GRID2: variants seen among roughly 807,000 people sequenced by gnomAD.
The protein encoded by GRID2 is glutamate ionotropic receptor delta type subunit 2.
A neutral mutation model predicts 114.8 loss-of-function variants in GRID2; 33 were observed. The ratio of observed to expected loss-of-function variants is 0.29; its 90% CI spans 0.22 to 0.38. The LOEUF (loss-of-function observed/expected upper bound fraction) is 0.38, where lower values mean the gene tolerates loss of function less well. Ranked by LOEUF, GRID2 falls within the 10% of genes least tolerant of loss-of-function variation. GRID2 has a pLI of 1.00. For synonymous variants in GRID2, 505 were observed against 449.9 expected, an observed-to-expected ratio of 1.12 and a Z score of -1.55; for missense variants, 1,184 against 1,257.7, an observed-to-expected ratio of 0.94 and a Z score of 0.89.
In GRID2 at chr4:93,680,204, T is replaced by C. The variant is rs1462971232; in HGVS notation, c.2360+53769T>C. On this transcript the variant is annotated intron_variant, in intron 14 of 15. Coordinates refer to ENST00000282020, the MANE Select transcript of GRID2 (RefSeq NM_001510.4). Reference sequence around the variant, plus strand: ...AGAAATGGATAAATTCCTTGACACATACACTCTCCCAAGACTAAACCAGGA... The same window carrying C: ...AGAAATGGATAAATTCCTTGACACACACACTCTCCCAAGACTAAACCAGGA... Among the ~76,000 whole-genome samples, 6 of 152,054 alleles carry C rather than the reference T, an allele frequency of 3.9e-5. No homozygotes were observed. The South Asian group carries it at 8.3e-4, about 21-fold the overall frequency.
intron 1 of GRID2, among the ~76,000 whole-genome samples, chr4:92,474,517 C>G (rs1722198235): frequency 6.6e-6 from 1 of 152,010 alleles, no homozygotes; most frequent in Non-Finnish European, 1.5e-5. Flanking sequence ...GATTTCATTT[C>G]CTTTGTATTT....
At chr4:93,123,848 G>C (rs992701225) in intron 4 of GRID2, among the ~76,000 whole-genome samples, 1 of 151,650 alleles carries the variant, frequency 6.6e-6, no homozygotes, top group African/African-American at 2.4e-5. Context: ...AGTCTAGAAT[G>C]TAAATGAATC....
Position 92,638,470 on chromosome 4 carries a change from T to C in GRID2, c.244+48184T>C, listed in dbSNP as rs1240064249. ...ATAATATATAAAATACATATATGTA[T>C]AATATATAATATATAAAATAAAATT... On this transcript the variant is annotated intron_variant, in intron 2 of 15. Coordinates refer to ENST00000282020, the MANE Select transcript of GRID2 (RefSeq NM_001510.4). Among the ~76,000 whole-genome samples the C allele has an allele frequency of 2.7e-5, 4 of 147,520 alleles. No individual in the cohort carries two copies. In the East Asian group the frequency reaches 7.8e-4, roughly 29 times the overall value.
intron 8 of GRID2, among the ~76,000 whole-genome samples, chr4:93,258,406 A>C (rs1749862626): frequency 6.6e-6 from 1 of 151,728 alleles, no homozygotes; most frequent in South Asian, 2.1e-4. Context: ...AAGCTAATGA[A>C]AATTACTGAA....
chr4:92,962,368 C>T (rs545745957), intron 2 of GRID2, among the ~76,000 whole-genome samples: 1 of 151,780 alleles, frequency 6.6e-6, no homozygotes. Context: ...TTTAGTGAGC[C>T]TGTGCCTCTG....
At chr4:92,549,950 G>C (rs1264613379) in intron 1 of GRID2, among the ~76,000 whole-genome samples, 4 of 151,954 alleles carry the variant, frequency 2.6e-5, no homozygotes, top group African/African-American at 9.7e-5. Flanking sequence ...AACTCAAAGA[G>C]ACAACCCACA....
chr4:93,508,167 T>TAA (rs1728826976), intron 12 of GRID2, among the ~76,000 whole-genome samples: 1 of 150,522 alleles, frequency 6.6e-6, no homozygotes, highest in Non-Finnish European at 1.5e-5. Context: ...TATAATAAAA[T>TAA]AAAAAAGTTT....
chr4:92,998,853 A>C (rs1578713135), intron 2 of GRID2, among the ~76,000 whole-genome samples: 1 of 151,912 alleles, frequency 6.6e-6, no homozygotes. Flanking sequence ...TAATATTCAC[A>C]TTAATTGCAA....
At chr4:93,181,493 G>A (rs1207865806) in intron 4 of GRID2, among the ~76,000 whole-genome samples, 5 of 152,118 alleles carry the variant, frequency 3.3e-5, no homozygotes, top group African/African-American at 9.7e-5. Context: ...GCCGTCCTTC[G>A]AAACTTTGAA....
chr4:93,059,798 T>A (rs1727604646), intron 2 of GRID2, among the ~76,000 whole-genome samples: 1 of 151,560 alleles, frequency 6.6e-6, no homozygotes, highest in Admixed American at 6.6e-5. Context: ...ATTTTCCAAA[T>A]ACAGTGATCT....
intron 2 of GRID2, among the ~76,000 whole-genome samples, chr4:92,599,439 A>G (rs183604451): frequency 5.3e-5 from 8 of 152,308 alleles, no homozygotes; most frequent in Admixed American, 3.3e-4. Context: ...TTTATATCTG[A>G]CATGATTGTT....
chr4:92,939,731 T>C lies in GRID2; in HGVS notation c.245-145264T>C, dbSNP rs1318491976. ...ATTTAAGTCTTTAATCCATCATGAA[T>C]TAATTTTGGTATAAGGTGTAAGGAA... On this transcript the variant is annotated intron_variant, in intron 2 of 15. Transcript: ENST00000282020. 2.7e-5 allele frequency among the ~76,000 whole-genome samples: 4 copies of C among 147,412 alleles called. 1 individual carries two copies. The highest frequency in any genetic ancestry group is 6.0e-5 in the Non-Finnish European group (4 of 66,524).
chr4:93,021,730 A>G (rs1469332065), intron 2 of GRID2, among the ~76,000 whole-genome samples: 2 of 145,532 alleles, frequency 1.4e-5, no homozygotes, highest in African/African-American at 2.5e-5. Context: ...TAATATGTAT[A>G]TTATGAATAT....
chr4:92,343,013 T>A (rs1478021776), intron 1 of GRID2, among the ~76,000 whole-genome samples: 1 of 152,184 alleles, frequency 6.6e-6, no homozygotes. Context: ...TAATATGAAC[T>A]GAAAGATATA....
chr4:92,799,471 G>A (rs1740049887), intron 2 of GRID2, among the ~76,000 whole-genome samples: 1 of 151,996 alleles, frequency 6.6e-6, no homozygotes, highest in Non-Finnish European at 1.5e-5. Context: ...GGAAGTCCAA[G>A]ATCAAGATGT....
intron 13 of GRID2, among the ~76,000 whole-genome samples, chr4:93,562,645 T>G (rs899231770): frequency 5.3e-5 from 8 of 152,080 alleles, no homozygotes; most frequent in Admixed American, 2.6e-4. Flanking sequence ...TATGTCATCT[T>G]CTAGGACTTT....
At chr4:92,572,132 C>G (rs1318321259) in intron 1 of GRID2, among the ~76,000 whole-genome samples, 2 of 151,914 alleles carry the variant, frequency 1.3e-5, no homozygotes, top group Non-Finnish European at 2.9e-5. Context: ...TGATAGACTG[C>G]TAGCAAGACT....
intron 2 of GRID2, among the ~76,000 whole-genome samples, chr4:92,789,806 T>C (rs567603839): frequency 2.1e-4 from 32 of 152,048 alleles, no homozygotes; most frequent in South Asian, 1.9e-3. Flanking sequence ...CGTCCACTGA[T>C]TTCTTTATAT....
At chr4:93,179,928 A>T (rs1209729700) in intron 4 of GRID2, among the ~76,000 whole-genome samples, 1 of 152,144 alleles carries the variant, frequency 6.6e-6, no homozygotes, top group Non-Finnish European at 1.5e-5. Flanking sequence ...CCTCTGCTCT[A>T]GTGTATTTAA....
Sources: gnomAD v4.1 joint callset for allele counts (sites outside exome capture counted in the v4.1 genomes callset) on GRCh38, gnomAD v4.1.1 for gene constraint, MANE v1.5 for transcripts, NCBI Gene and HGNC (gene_info 2026-07-23, HGNC 2026-07-21) for gene names.